ROBO1: variants seen among roughly 807,000 people sequenced by gnomAD.
ROBO1 encodes roundabout guidance receptor 1.
Under a neutral mutation model 195.9 loss-of-function variants are expected in ROBO1, and 149 were observed. The ratio of observed to expected loss-of-function variants is 0.76; its 90% CI spans 0.67 to 0.87. The LOEUF (loss-of-function observed/expected upper bound fraction) is 0.87, where lower values mean the gene tolerates loss of function less well. Ranked by LOEUF, ROBO1 falls within the 40% of genes least tolerant of loss-of-function variation. ROBO1 has a pLI of 0.00. For synonymous variants in ROBO1, 816 were observed against 733.2 expected (o/e 1.11, Z -1.82); for missense variants, 1,933 against 2,068.3 (o/e 0.93, Z 1.27).
chr3:79,759,804 G>A (rs1192246910), intron 1 of ROBO1, among the ~76,000 whole-genome samples: 2 of 152,118 alleles, frequency 1.3e-5, no homozygotes, highest in East Asian at 3.9e-4. Context: ...TCTCACATGA[G>A]GACAGATGCC....
intron 1 of ROBO1, among the ~76,000 whole-genome samples, chr3:79,738,206 C>T (rs1703470180): frequency 1.3e-5 from 2 of 152,154 alleles, no homozygotes; most frequent in Admixed American, 1.3e-4. Context: ...GTCCCAGCAT[C>T]TACAATAAAC....
intron 1 of ROBO1, among the ~76,000 whole-genome samples, chr3:79,631,389 G>A (rs1396133301): frequency 6.6e-6 from 1 of 151,942 alleles, no homozygotes; most frequent in African/African-American, 2.4e-5. Flanking sequence ...ATGGGAGAAG[G>A]ACATCCTATT....
At chr3:79,381,373 A>AG (rs1221999594) in intron 2 of ROBO1, among the ~76,000 whole-genome samples, 14 of 115,424 alleles carry the variant, frequency 1.2e-4, no homozygotes, top group African/African-American at 4.3e-4. Context: ...AAAAAAAAAA[A>AG]AAAAGAAAAG....
At chr3:79,395,126 A>G (rs939196366) in intron 2 of ROBO1, among the ~76,000 whole-genome samples, 8 of 151,954 alleles carry the variant, frequency 5.3e-5, no homozygotes, top group African/African-American at 1.9e-4. Flanking sequence ...GATCAAGACC[A>G]TCCTGGCTAA....
intron 4 of ROBO1, among the ~76,000 whole-genome samples, chr3:78,841,348 C>A (rs1559912404): frequency 6.6e-6 from 1 of 152,092 alleles, no homozygotes; most frequent in Non-Finnish European, 1.5e-5. Context: ...TACTGCTGGA[C>A]CATTTGGGCT....
chr3:78,917,098 C>T (rs1209410289), intron 4 of ROBO1, among the ~76,000 whole-genome samples: 7 of 114,602 alleles, frequency 6.1e-5, no homozygotes, highest in East Asian at 2.5e-4. Context: ...TTTTGTTTTT[C>T]GTTTTTTTTT....
At position 79,560,535 on chromosome 3, in the gene ROBO1, T is replaced by TTATATATA. The variant is rs549034591; in HGVS notation, c.88+29281_88+29288dup. 1.4e-3 allele frequency among the ~76,000 whole-genome samples: 166 copies of TTATATATA among 115,198 alleles called. 3 individuals carry two copies. Among genetic ancestry groups the TTATATATA allele is most frequent in the African/African-American group, 5.7e-3 (145 of 25,404 alleles). The allele number at this position is 115,198 out of a possible 152,430, so 75.6% of individuals were successfully genotyped here. A position where few individuals can be genotyped will look rare whatever the true frequency, so the allele number is the denominator to read the frequency against. Reference sequence around the variant, plus strand: ...AAAACTTAAAGTATAATAATAATAATTATATATATATATATATATATATAC... The same window carrying TTATATATA: ...AAAACTTAAAGTATAATAATAATAATTATATATATATATATATATATATATATATATAC... On this transcript the variant is annotated intron_variant, in intron 2 of 30. Coordinates refer to ENST00000464233, the MANE Select transcript of ROBO1 (RefSeq NM_002941.4).
At chr3:78,751,591 T>C (rs1385747192) in intron 4 of ROBO1, among the ~76,000 whole-genome samples, 3 of 152,156 alleles carry the variant, frequency 2.0e-5, no homozygotes, top group Non-Finnish European at 2.9e-5. Context: ...ACAAGTATCA[T>C]GATATAATTA....
At chr3:79,250,868 A>T (rs528759955) in intron 2 of ROBO1, among the ~76,000 whole-genome samples, 2 of 152,280 alleles carry the variant, frequency 1.3e-5, no homozygotes, top group East Asian at 3.9e-4. Flanking sequence ...CAGACTCATT[A>T]ACATGGAGAA....
At chr3:79,203,948 G>T (rs1482288774) in intron 2 of ROBO1, among the ~76,000 whole-genome samples, 1 of 151,984 alleles carries the variant, frequency 6.6e-6, no homozygotes, top group Non-Finnish European at 1.5e-5. Context: ...GTGTGCAATT[G>T]GTATCCTTTT....
chr3:79,256,608 T>C (rs997131860), intron 2 of ROBO1, among the ~76,000 whole-genome samples: 3 of 152,096 alleles, frequency 2.0e-5, no homozygotes, highest in African/African-American at 4.8e-5. Context: ...CATTCTAAAT[T>C]TGTGAATTCA....
At chr3:79,055,590 T>C (rs1441596811) in intron 3 of ROBO1, among the ~76,000 whole-genome samples, 1 of 152,038 alleles carries the variant, frequency 6.6e-6, no homozygotes, top group Non-Finnish European at 1.5e-5. Context: ...TCCCCATTAA[T>C]CTTTAGGGTA....
intron 2 of ROBO1, among the ~76,000 whole-genome samples, chr3:79,408,399 G>A (rs12487699): frequency 0.33 from 50,385 of 151,650 alleles, 9,849 homozygotes; most frequent in Admixed American, 0.48. Flanking sequence ...TTGAATAAAT[G>A]TATTTTTTCA....
intron 4 of ROBO1, among the ~76,000 whole-genome samples, chr3:78,872,729 G>C (rs114409368): frequency 6.6e-6 from 1 of 152,122 alleles, no homozygotes; most frequent in Admixed American, 6.6e-5. Flanking sequence ...TAACACTCAC[G>C]TTATCAGTAA....
At chr3:79,622,424 T>C (rs7428541) in intron 1 of ROBO1, among the ~76,000 whole-genome samples, 132,292 of 152,184 alleles carry the variant, frequency 0.87, 57,558 homozygotes, top group East Asian at 0.9. Flanking sequence ...AGCTGCCTAA[T>C]ACACTGAGCT....
intron 3 of ROBO1, among the ~76,000 whole-genome samples, chr3:78,978,783 G>A (rs1200355365): frequency 1.3e-5 from 2 of 152,136 alleles, no homozygotes; most frequent in African/African-American, 4.8e-5. Flanking sequence ...ATGAAAATCT[G>A]ACTTTACTTA....
At chr3:79,570,747 A>T (rs1244445035) in intron 2 of ROBO1, among the ~76,000 whole-genome samples, 7 of 152,172 alleles carry the variant, frequency 4.6e-5, no homozygotes, top group African/African-American at 1.4e-4. Context: ...ACTTTTCAGT[A>T]TTAACTTAGT....
chr3:78,995,193 C>T (rs558992129), intron 3 of ROBO1, among the ~76,000 whole-genome samples: 1 of 152,300 alleles, frequency 6.6e-6, no homozygotes, highest in South Asian at 2.1e-4. Context: ...TCCGTAACTA[C>T]CGTTGCTTCC....
At chr3:78,830,002 G>A (rs1283388592) in intron 4 of ROBO1, among the ~76,000 whole-genome samples, 2 of 152,132 alleles carry the variant, frequency 1.3e-5, no homozygotes, top group East Asian at 3.9e-4. Flanking sequence ...AATTTATATA[G>A]CCGTAATAGG....
Sources: allele counts gnomAD v4.1 joint callset (sites outside exome capture counted in the v4.1 genomes callset), GRCh38; gene constraint gnomAD v4.1.1; transcripts MANE v1.5; gene names NCBI Gene and HGNC (gene_info 2026-07-23, HGNC 2026-07-21).